NPNT: variants seen among roughly 807,000 people sequenced by gnomAD.
NPNT encodes nephronectin.
In NPNT, 45 loss-of-function variants were observed where a neutral mutation model predicts 68.6. The observed-to-expected ratio is 0.66, with a 90% CI of 0.52 to 0.84. The LOEUF (loss-of-function observed/expected upper bound fraction) is 0.84. Ranked by LOEUF, NPNT falls within the 40% of genes least tolerant of loss-of-function variation. The probability of loss-of-function intolerance (pLI) is 0.00; values close to 1 mark genes in which losing one functional copy is unlikely to be tolerated. For synonymous variants in NPNT, 233 were observed against 253.3 expected (o/e 0.92, Z 0.76); for missense variants, 672 against 714.8 (o/e 0.94, Z 0.68).
chr4:105,929,123 C>T (rs187568289), intron 3 of NPNT, among the ~76,000 whole-genome samples: 1 of 152,148 alleles, frequency 6.6e-6, no homozygotes, highest in Admixed American at 6.5e-5. Context: ...CCCCTTACCC[C>T]TAACCCCCAA....
chr4:105,924,136 A>C (rs1728495608), intron 2 of NPNT, among the ~76,000 whole-genome samples: 1 of 151,368 alleles, frequency 6.6e-6, no homozygotes, highest in South Asian at 2.1e-4. Context: ...ACCAACCTGC[A>C]GTTGTAGTTA....
At chr4:105,957,315 C>G (rs1386383869) in intron 8 of NPNT, among the ~76,000 whole-genome samples, 1 of 152,156 alleles carries the variant, frequency 6.6e-6, no homozygotes, top group African/African-American at 2.4e-5. Flanking sequence ...AAGATCCAGA[C>G]CCTCAGTCTT....
chr4:105,911,683 T>A (rs1260892747), intron 2 of NPNT: 2 of 153,164 alleles, frequency 1.3e-5, no homozygotes, highest in African/African-American at 4.8e-5. Context: ...AAATTATATT[T>A]CCTCCCCAAA....
chr4:105,897,335 TC>T (rs925333221), intron 1 of NPNT, among the ~76,000 whole-genome samples: 16 of 152,352 alleles, frequency 1.1e-4, no homozygotes, highest in African/African-American at 3.6e-4. Flanking sequence ...TAGACTTTTT[TC>T]TAGTACTTTT....
chr4:105,943,063 C>T (rs913226694), intron 8 of NPNT, among the ~76,000 whole-genome samples: 1 of 152,282 alleles, frequency 6.6e-6, no homozygotes, highest in South Asian at 2.1e-4. Context: ...AGTCAGTGAA[C>T]ATTTTTGAAT....
chr4:105,913,467 A>G (rs575913108), intron 2 of NPNT, among the ~76,000 whole-genome samples: 179 of 152,344 alleles, frequency 1.2e-3, no homozygotes, highest in African/African-American at 3.8e-3. Flanking sequence ...ACCACCTGTA[A>G]GAAACTAGAC....
intron 2 of NPNT, among the ~76,000 whole-genome samples, chr4:105,915,252 G>A (rs1727707605): frequency 6.6e-6 from 1 of 152,118 alleles, no homozygotes. Flanking sequence ...CCTGGGACCT[G>A]TAGGAAGTCA....
intron 8 of NPNT, among the ~76,000 whole-genome samples, chr4:105,954,907 A>G (rs1300792193): frequency 2.0e-5 from 3 of 152,100 alleles, no homozygotes; most frequent in African/African-American, 7.2e-5. Flanking sequence ...ATCTGCCTTC[A>G]CTTCTAGAAT....
At chr4:105,911,356 C>T (rs1727349660) in intron 2 of NPNT, among the ~76,000 whole-genome samples, 1 of 151,940 alleles carries the variant, frequency 6.6e-6, no homozygotes, top group Non-Finnish European at 1.5e-5. Context: ...CAAAGGAAGG[C>T]CCCATTCACC....
intron 2 of NPNT, among the ~76,000 whole-genome samples, chr4:105,901,703 A>T (rs149250999): frequency 1.7e-3 from 263 of 152,326 alleles, no homozygotes; most frequent in African/African-American, 5.9e-3. Flanking sequence ...TTTTGGAAAG[A>T]TGTGAAACCT....
intron 8 of NPNT, among the ~76,000 whole-genome samples, chr4:105,943,951 G>A (rs922079356): frequency 5.3e-5 from 8 of 152,210 alleles, no homozygotes; most frequent in African/African-American, 1.4e-4. Flanking sequence ...CTGCAGCCTG[G>A]GTGACAGGGT....
At chr4:105,946,261 A>C (rs1730376470) in intron 8 of NPNT, among the ~76,000 whole-genome samples, 1 of 152,226 alleles carries the variant, frequency 6.6e-6, no homozygotes, top group African/African-American at 2.4e-5. Context: ...TTAAACTTTA[A>C]GCAGTTGGTT....
At chr4:105,916,777 T>C (rs1727851588) in intron 2 of NPNT, among the ~76,000 whole-genome samples, 1 of 152,166 alleles carries the variant, frequency 6.6e-6, no homozygotes, top group Non-Finnish European at 1.5e-5. Flanking sequence ...AGGCAGTGTC[T>C]TATACATCTT....
chr4:105,940,721 A>G, intron 7 of NPNT, 85 bp downstream of exon 7: 1 of 1,143,574 alleles, frequency 8.7e-7, no homozygotes, highest in East Asian at 2.4e-5. Flanking sequence ...AATAAGGAAT[A>G]AGATTATCAA....
At chr4:105,951,788 TAA>T (rs1219539310) in intron 8 of NPNT, among the ~76,000 whole-genome samples, 1 of 152,212 alleles carries the variant, frequency 6.6e-6, no homozygotes, top group Admixed American at 6.5e-5. Context: ...CCAAAACGTA[TAA>T]ATGGGCCCTT....
At position 105,906,536 on chromosome 4, in the gene NPNT, A is replaced by G. The variant is rs572974111; in HGVS notation, c.172+8535A>G. Among the ~76,000 whole-genome samples, 6 of 152,346 alleles carry G rather than the reference A, an allele frequency of 3.9e-5. No homozygotes were observed. The East Asian group carries it at 1.2e-3, about 29-fold the overall frequency. ...ATACAGCCCAGAATATCTAGCTGTGATGGATGAACTGTATAGGGTTTTGGA... is the reference window on the plus strand; with the variant it reads ...ATACAGCCCAGAATATCTAGCTGTGGTGGATGAACTGTATAGGGTTTTGGA... On this transcript the variant is annotated intron_variant, in intron 2 of 11. Coordinates refer to ENST00000379987, the MANE Select transcript of NPNT (RefSeq NM_001033047.3).
chr4:105,970,193 G>A lies in NPNT; in HGVS notation c.*1203G>A, dbSNP rs1484894586. 2.8e-5 allele frequency: 15 copies of A among 541,540 alleles called. No homozygotes were observed. The highest frequency in any genetic ancestry group is 5.0e-5 in the Non-Finnish European group (15 of 300,684). The allele number at this position is 541,540 out of a possible 1,614,324, so 33.5% of individuals were successfully genotyped here. A position where few individuals can be genotyped will look rare whatever the true frequency, so the allele number is the denominator to read the frequency against. On this transcript the variant is annotated 3_prime_UTR_variant, in exon 12 of 12. Coordinates refer to ENST00000379987, the MANE Select transcript of NPNT (RefSeq NM_001033047.3). ...ATGCTTAGAGGCATGGGATGTGTTGGAACGGGATTTACACACACTGGAGGA... is the reference window on the plus strand; with the variant it reads ...ATGCTTAGAGGCATGGGATGTGTTGAAACGGGATTTACACACACTGGAGGA...
intron 2 of NPNT, among the ~76,000 whole-genome samples, chr4:105,909,464 AT>A (rs1329489517): frequency 3.9e-5 from 6 of 152,234 alleles, no homozygotes; most frequent in African/African-American, 1.4e-4. Context: ...AAAGTATAAA[AT>A]TATGAAGAAA....
chr4:105,937,242 G>C (rs540965219), intron 4 of NPNT, 114 bp downstream of exon 4: 2 of 1,003,846 alleles, frequency 2.0e-6, no homozygotes, highest in African/African-American at 1.6e-5. Context: ...AGATGTGTGC[G>C]TGTGTTTATA....
Sources: allele counts gnomAD v4.1 joint callset (sites outside exome capture counted in the v4.1 genomes callset), GRCh38; gene constraint gnomAD v4.1.1; transcripts MANE v1.5; gene names NCBI Gene and HGNC (gene_info 2026-07-23, HGNC 2026-07-21).